The following XPO6 variants were observed in gnomAD, a reference collection of about 807,000 sequenced individuals.
The protein encoded by XPO6 is exportin 6, also known as exportin-6.
In XPO6, 3 loss-of-function variants were observed where a neutral mutation model predicts 130.0. The ratio of observed to expected loss-of-function variants is 0.02; its 90% confidence interval spans 0.01 to 0.06. The LOEUF (loss-of-function observed/expected upper bound fraction) is 0.06. Among genes scored for constraint, XPO6 ranks in the 10% least tolerant of loss-of-function variants. The pLI, the probability that XPO6 is intolerant of heterozygous loss-of-function variation, is 1.00. For synonymous variants in XPO6, 524 were observed against 548.9 expected (o/e 0.95, Z 0.63); for missense variants, 970 against 1,393.0 (o/e 0.70, Z 4.83).
chr16:28,099,110 G>A lies in XPO6; in HGVS notation c.3277-471C>T, dbSNP rs551943948. On this transcript the variant is annotated intron_variant, in intron 23 of 23. Coordinates refer to ENST00000304658, the MANE Select transcript of XPO6 (RefSeq NM_015171.4). ...GGCCCCTTGAGGTGACGCGCACACC[G>A]AGCAATGTCTGCAGAACCTTTACCC... Among the ~76,000 whole-genome samples the A allele has an allele frequency of 3.3e-5, 5 of 152,250 alleles. 1 individual carries two copies. In the East Asian group the frequency reaches 5.8e-4, roughly 18 times the overall value.
Position 28,112,929 on chromosome 16 carries a change from G to A in XPO6, c.2126C>T (p.Ala709Val), listed in dbSNP as rs1353335958. 1 of 1,614,088 alleles carries A rather than the reference G, an allele frequency of 6.2e-7. No homozygotes were observed. Among genetic ancestry groups the A allele is most frequent in the East Asian group, 2.2e-5 (1 of 44,870 alleles). ...VQKVFNRITD[A>V]SALRLVDKAQ... ...CTTATCGACAAGTCGCAGGGCAGAG[G>A]CATCAGTGATTCTGTTGAATACTTT... The change falls in exon 16 of 24, where the codon GCC becomes GTC. Residue 709 changes from alanine to valine, a missense_variant. This residue lies in a region of XPO6 where 936 missense variants were observed against 1,306.8 expected (regional missense o/e 0.72). Coordinates refer to ENST00000304658, the MANE Select transcript of XPO6 (RefSeq NM_015171.4).
intron 23 of XPO6, among the ~76,000 whole-genome samples, chr16:28,099,650 A>G (rs928353015): frequency 6.6e-6 from 1 of 152,344 alleles, no homozygotes; most frequent in East Asian, 1.9e-4. Context: ...CCCACACTTC[A>G]GAGGCTTGTT....
intron 1 of XPO6, among the ~76,000 whole-genome samples, chr16:28,198,335 T>A (rs2043901163): frequency 6.6e-6 from 1 of 152,170 alleles, no homozygotes; most frequent in Non-Finnish European, 1.5e-5. Flanking sequence ...TGGTAATTTT[T>A]TTTTTTAATT....
intron 1 of XPO6, among the ~76,000 whole-genome samples, chr16:28,184,111 A>AT (rs2141877106): frequency 6.6e-6 from 1 of 152,344 alleles, no homozygotes; most frequent in Non-Finnish European, 1.5e-5. Context: ...CTCCAAGCAG[A>AT]TTACACTTTC....
chr16:28,170,162 G>A (rs181387414), intron 4 of XPO6, among the ~76,000 whole-genome samples: 21 of 151,790 alleles, frequency 1.4e-4, no homozygotes, highest in African/African-American at 4.6e-4. Context: ...GAGAAATCCC[G>A]TCTCTACTAA....
chr16:28,152,072 T>TATGTG (rs1555527517), intron 8 of XPO6, among the ~76,000 whole-genome samples: 1 of 117,146 alleles, frequency 8.5e-6, no homozygotes, highest in Non-Finnish European at 1.8e-5. Flanking sequence ...TATATATTTT[T>TATGTG]TATGTGTGTG....
Position 28,112,959 on chromosome 16 carries a change from A to G in XPO6, c.2096T>C (p.Val699Ala). 2 of 1,614,192 alleles carry G rather than the reference A, an allele frequency of 1.2e-6. No homozygotes were observed. The change falls in exon 16 of 24, where the codon GTG (valine) becomes GCG (alanine). Residue 699 changes from valine to alanine, a missense_variant. Around this residue, in one of 4 missense-constraint regions of XPO6, gnomAD observed 936 missense variants for 1,306.8 expected, o/e 0.72. Transcript: ENST00000304658. ...AGTGATTCTGTTGAATACTTTCTGC[A>G]CTGCAGGGATGCTGATCAGAAAGAC... ...RPVFLISIPA[V>A]QKVFNRITDA... is the part of the protein sequence containing the mutation.
intron 12 of XPO6, among the ~76,000 whole-genome samples, chr16:28,131,362 C>T (rs977621886): frequency 3.3e-5 from 5 of 152,304 alleles, no homozygotes; most frequent in African/African-American, 1.2e-4. Flanking sequence ...ATGGGCTGCA[C>T]ACTGGGCGGC....
At chr16:28,111,602 G>A (rs1188891196) in intron 17 of XPO6, 5 of 487,530 alleles carry the variant, frequency 1.0e-5, no homozygotes, top group Non-Finnish European at 1.8e-5. Context: ...TAAGAGAAGG[G>A]ACAGTTTGAT....
intron 1 of XPO6, among the ~76,000 whole-genome samples, chr16:28,189,072 A>G (rs998327988): frequency 6.6e-6 from 1 of 151,976 alleles, no homozygotes; most frequent in Non-Finnish European, 1.5e-5. Context: ...CAGCCTCCCA[A>G]GTAGCTGGGA....
chr16:28,131,004 CT>C (rs1318575435), intron 12 of XPO6, among the ~76,000 whole-genome samples: 1 of 152,078 alleles, frequency 6.6e-6, no homozygotes, highest in Non-Finnish European at 1.5e-5. Context: ...AATAGTGGTC[CT>C]GAAGGAAAGA....
In XPO6 at chr16:28,177,280, C is replaced by T. The variant is rs1309831712; in HGVS notation, c.147G>A (p.Leu49=). 1.9e-6 allele frequency: 3 copies of T among 1,613,020 alleles called. No individual in the cohort carries two copies. Among genetic ancestry groups the T allele is most frequent in the South Asian group, 1.1e-5 (1 of 90,926 alleles). Reference sequence around the variant, plus strand: ...CATTCCTAGTGCTGGAGAGAAAGTACAGGCAGAATCTCCAGGCTCCTATTT... The same window carrying T: ...CATTCCTAGTGCTGGAGAGAAAGTATAGGCAGAATCTCCAGGCTCCTATTT... ...AQQIGAWRFC[L]YFLSSTRNDY... is the part of the protein sequence containing the mutation. Residue 49 remains leucine (L), a synonymous_variant, in exon 3 of 24, where the codon CTG becomes CTA. Coordinates refer to ENST00000304658, the MANE Select transcript of XPO6 (RefSeq NM_015171.4).
At chr16:28,158,543 A>G (rs1016704584) in intron 6 of XPO6, among the ~76,000 whole-genome samples, 12 of 152,232 alleles carry the variant, frequency 7.9e-5, no homozygotes, top group African/African-American at 2.7e-4. Context: ...ATATTTTTAA[A>G]TGAATTAATG....
Position 28,154,255 on chromosome 16 carries a change from T to TAAAAAAAAA in XPO6, c.1098-1479_1098-1471dup, listed in dbSNP as rs11284457. On this transcript the variant is annotated intron_variant, in intron 7 of 23. Transcript: ENST00000304658. ...TGCACTCAATTCCCTACTACCCATT[T>TAAAAAAAAA]AAAAAAAAAAAAAAAAAAAAAAAAG... 1.8e-5 allele frequency: 15 copies of TAAAAAAAAA among 811,886 alleles called. No homozygotes were observed. In the African/African-American group the frequency reaches 1.9e-4, roughly 10 times the overall value. The allele number at this position is 811,886 out of a possible 1,614,324, so 50.3% of individuals were successfully genotyped here.
chr16:28,135,430 G>A, intron 9 of XPO6, 106 bp from the exon 10 acceptor site: 1 of 872,134 alleles, frequency 1.1e-6, no homozygotes, highest in Non-Finnish European at 1.8e-6. Context: ...GATCACCATG[G>A]AAAAAGAGCA....
intron 8 of XPO6, among the ~76,000 whole-genome samples, chr16:28,151,953 T>C (rs887827156): frequency 2.6e-5 from 4 of 152,238 alleles, no homozygotes; most frequent in Admixed American, 6.5e-5. Context: ...ACTGTGGTGA[T>C]GTTTGGACAG....
chr16:28,170,950 A>C lies in XPO6; in HGVS notation c.406-1041T>G, dbSNP rs997340961. On this transcript the variant is annotated intron_variant, in intron 4 of 23. Transcript: ENST00000304658. Reference sequence around the variant, plus strand: ...ATTTCCAGAAATGATAAAAGTAAACAAGTTGCCACTAAAATTATCTGTTGA... The same window carrying C: ...ATTTCCAGAAATGATAAAAGTAAACCAGTTGCCACTAAAATTATCTGTTGA... Among the ~76,000 whole-genome samples the C allele has an allele frequency of 2.0e-5, 3 of 152,324 alleles. No homozygotes were observed. In the East Asian group the frequency reaches 5.8e-4, roughly 29 times the overall value.
intron 7 of XPO6, 196 bp from the exon 8 acceptor site, chr16:28,152,981 A>G: frequency 8.0e-7 from 1 of 1,246,840 alleles, no homozygotes; most frequent in Non-Finnish European, 1.0e-6. Context: ...CATAGCAGAA[A>G]AGCAACTTTA....
At chr16:28,195,295 G>A (rs924013576) in intron 1 of XPO6, among the ~76,000 whole-genome samples, 5 of 151,932 alleles carry the variant, frequency 3.3e-5, no homozygotes, top group Non-Finnish European at 5.9e-5. Flanking sequence ...AAAAGAATGG[G>A]GACAACTTAA....
Sources: gnomAD v4.1 joint callset for allele counts (sites outside exome capture counted in the v4.1 genomes callset) on GRCh38, gnomAD v4.1.1 for gene constraint, gnomAD v4.1.1 regional missense constraint, MANE v1.5 for transcripts, NCBI Gene and HGNC (gene_info 2026-07-23, HGNC 2026-07-21) for gene names.